Variants in DNMT3A observed in about 807,000 individuals in gnomAD.
DNMT3A encodes DNA methyltransferase 3 alpha.
A neutral mutation model predicts 117.6 loss-of-function variants in DNMT3A; 267 were observed. That is an observed-to-expected ratio of 2.27 (90% CI 2.05 to 2.51). DNMT3A has a LOEUF of 2.51. Ranked by LOEUF, DNMT3A falls within the 30% of genes most tolerant of loss-of-function variation. The pLI, the probability that DNMT3A is intolerant of heterozygous loss-of-function variation, is 0.00. For synonymous variants in DNMT3A, 432 were observed against 474.8 expected (o/e 0.91, Z 1.17); for missense variants, 1,029 against 1,260.2 (o/e 0.82, Z 2.78).
intron 3 of DNMT3A, among the ~76,000 whole-genome samples, chr2:25,285,720 G>A (rs1338876326): frequency 6.6e-6 from 1 of 152,184 alleles, no homozygotes; most frequent in Non-Finnish European, 1.5e-5. Flanking sequence ...TGTGTGTCAG[G>A]ACCCTCCCCA....
intron 16 of DNMT3A, 123 bp downstream of exon 16, chr2:25,243,775 T>G: frequency 1.8e-6 from 2 of 1,081,772 alleles, no homozygotes; most frequent in Non-Finnish European, 2.7e-6. Flanking sequence ...AGCTTCCCCT[T>G]TGGGATAATA....
rs1573420377 is a variant in DNMT3A, at chr2:25,282,762, G to C, written c.178-51C>G. The C allele has an allele frequency of 4.7e-6, 7 of 1,491,820 alleles. No homozygotes were observed. Among genetic ancestry groups the C allele is most frequent in the Non-Finnish European group, 6.2e-6 (7 of 1,121,026 alleles). 92.4% of individuals were successfully genotyped at this position (1,491,820 alleles called of 1,614,324 possible). A position where few individuals can be genotyped will look rare whatever the true frequency, so the allele number is the denominator to read the frequency against. ...GAGGAGGGTTAGATCAGTGGGCTTAGCCTGTTTTGGATCATTGACCGCTCT... is the reference window on the plus strand; with the variant it reads ...GAGGAGGGTTAGATCAGTGGGCTTACCCTGTTTTGGATCATTGACCGCTCT... On this transcript the variant is annotated intron_variant, in intron 3 of 22. Transcript: ENST00000321117. The surrounding 1 kb of genome is among the most constrained non-coding windows in gnomAD (Gnocchi z 5.2).
chr2:25,326,889 C>G (rs1176162807), intron 1 of DNMT3A, among the ~76,000 whole-genome samples: 1 of 152,238 alleles, frequency 6.6e-6, no homozygotes, highest in Admixed American at 6.5e-5. Context: ...CCCAGCACTC[C>G]CCTGGGAAAA....
intron 16 of DNMT3A, among the ~76,000 whole-genome samples, chr2:25,242,863 G>T (rs1674244942): frequency 6.6e-6 from 1 of 152,114 alleles, no homozygotes; most frequent in South Asian, 2.1e-4. Flanking sequence ...CCTAAGGAGG[G>T]AATGGTTCAA....
At chr2:25,328,708 A>AC (rs1401861611) in intron 1 of DNMT3A, 3 of 512,248 alleles carry the variant, frequency 5.9e-6, no homozygotes, top group South Asian at 3.0e-5. Context: ...GCCTAGAGCG[A>AC]CCCCCCACAA....
At chr2:25,264,916 C>T (rs193103182) in intron 6 of DNMT3A, among the ~76,000 whole-genome samples, 9 of 152,274 alleles carry the variant, frequency 5.9e-5, no homozygotes, top group Non-Finnish European at 4.4e-5. Context: ...GTCTCACCCC[C>T]CAACCTGCCG....
Position 25,292,613 on chromosome 2 carries a change from C to G in DNMT3A, c.177+7526G>C, listed in dbSNP as rs144040485. On this transcript the variant is annotated intron_variant, in intron 3 of 22. Coordinates refer to ENST00000321117, the MANE Select transcript of DNMT3A (RefSeq NM_022552.5). ...CGCCGCACCCGACATGATTTCATAG[C>G]CTTAATCACATCCTCTGCCTTTGTC... Among the ~76,000 whole-genome samples the G allele has an allele frequency of 6.2e-3, 947 of 152,300 alleles. 6 individuals carry two copies. Among genetic ancestry groups the G allele is most frequent in the African/African-American group, 0.021 (875 of 41,556 alleles).
intron 2 of DNMT3A, among the ~76,000 whole-genome samples, chr2:25,309,517 T>G (rs932996525): frequency 6.6e-6 from 1 of 152,080 alleles, no homozygotes; most frequent in Non-Finnish European, 1.5e-5. Context: ...GCAGCAAAAG[T>G]CCAGGGGAGG....
Position 25,298,794 on chromosome 2 carries a change from T to C in DNMT3A, c.177+1345A>G, listed in dbSNP as rs2033244841. The stretch of plus-strand genomic sequence containing the variant: ...CATTACATATCCACGTTTGCTTTAA[T>C]ATTAAAAGGTTTAAAATTACTTACC... On this transcript the variant is annotated intron_variant, in intron 3 of 22. Coordinates refer to ENST00000321117, the MANE Select transcript of DNMT3A (RefSeq NM_022552.5). This position sits in a 1 kb window ranked among gnomAD's most constrained non-coding sequence, Gnocchi z 4.3. 6.6e-6 allele frequency among the ~76,000 whole-genome samples: 1 copy of C among 152,210 alleles called. No homozygotes were observed. Among genetic ancestry groups the C allele is most frequent in the Non-Finnish European group, 1.5e-5 (1 of 68,034 alleles).
At chr2:25,280,904 AG>A (rs1204277515) in intron 4 of DNMT3A, among the ~76,000 whole-genome samples, 2 of 152,196 alleles carry the variant, frequency 1.3e-5, no homozygotes, top group African/African-American at 4.8e-5. Flanking sequence ...GCTTCAGGGC[AG>A]GAAGGAATGC....
intron 3 of DNMT3A, among the ~76,000 whole-genome samples, chr2:25,292,515 T>C (rs1275069493): frequency 6.6e-6 from 1 of 152,228 alleles, no homozygotes; most frequent in Non-Finnish European, 1.5e-5. Flanking sequence ...CTATCTTTTC[T>C]GTGCTTCATT....
chr2:25,248,168 C>T lies in DNMT3A; in HGVS notation c.724G>A (p.Ala242Thr), dbSNP rs1176634485. 4 of 1,613,894 alleles carry T rather than the reference C, an allele frequency of 2.5e-6. No individual in the cohort carries two copies. In the East Asian group the frequency reaches 6.7e-5, roughly 27 times the overall value. Reference sequence around the variant, plus strand: ...GGCTGCTGCACAGCAGGAGGGCTGGCCTCCTCCACCTTCTGAGACTCCCCG... The same window carrying T: ...GGCTGCTGCACAGCAGGAGGGCTGGTCTCCTCCACCTTCTGAGACTCCCCG... Reference protein sequence around the residue: ...GPGESQKVEEASPPAVQQPTD... With the variant: ...GPGESQKVEETSPPAVQQPTD... The change falls in exon 7 of 23, where the codon GCC becomes ACC. Residue 242 changes from alanine (A) to threonine (T), a missense_variant. Physicochemically the swap from Ala to Thr is moderately conservative, Grantham distance 58 (BLOSUM62 0). Coordinates refer to ENST00000321117, the MANE Select transcript of DNMT3A (RefSeq NM_022552.5).
intron 1 of DNMT3A, chr2:25,314,541 C>G (rs1248773673): frequency 1.0e-6 from 1 of 985,346 alleles, no homozygotes; most frequent in East Asian, 1.1e-4. Context: ...CCCAGAGGCC[C>G]CTAGCCCAGC....
chr2:25,282,185 C>G lies in DNMT3A; in HGVS notation c.448+256G>C, dbSNP rs1322872538. The G allele has an allele frequency of 1.5e-5, 18 of 1,235,366 alleles. No individual in the cohort carries two copies. The highest frequency in any genetic ancestry group is 1.9e-5 in the Non-Finnish European group (18 of 972,480). 76.5% of individuals were successfully genotyped at this position (1,235,366 alleles called of 1,614,324 possible). ...TTTTTTTCATGAGAAGCCAAAACTC[C>G]AGATTTTTATGTGAAATTTTTTGAT... On this transcript the variant is annotated intron_variant, in intron 4 of 22. Coordinates refer to ENST00000321117, the MANE Select transcript of DNMT3A (RefSeq NM_022552.5). The surrounding 1 kb of genome is among the most constrained non-coding windows in gnomAD (Gnocchi z 5.2).
At chr2:25,338,502 G>A (rs964864000) in intron 1 of DNMT3A, among the ~76,000 whole-genome samples, 18 of 152,146 alleles carry the variant, frequency 1.2e-4, no homozygotes, top group African/African-American at 3.9e-4. Flanking sequence ...AGTGGCCGCT[G>A]GGCAGCGGCG....
intron 4 of DNMT3A, among the ~76,000 whole-genome samples, chr2:25,280,300 T>G (rs966023297): frequency 2.3e-5 from 1 of 42,950 alleles, no homozygotes; most frequent in Non-Finnish European, 5.0e-5. Context: ...ACTCCCCGCC[T>G]CCCCACCCCC....
chr2:25,261,997 C>A (rs763076214), intron 6 of DNMT3A, among the ~76,000 whole-genome samples: 2 of 151,962 alleles, frequency 1.3e-5, no homozygotes, highest in Non-Finnish European at 2.9e-5. Context: ...CCATCCTGGC[C>A]AACATGGTGA....
chr2:25,279,168 T>C (rs2031692671), intron 4 of DNMT3A, among the ~76,000 whole-genome samples: 1 of 152,212 alleles, frequency 6.6e-6, no homozygotes, highest in Admixed American at 6.5e-5. Flanking sequence ...AGCACAGGCC[T>C]GTCGGGTGTT....
At chr2:25,245,399 C>T in intron 12 of DNMT3A, 67 bp from the exon 13 acceptor site, 1 of 1,433,788 alleles carries the variant, frequency 7.0e-7, no homozygotes, top group Non-Finnish European at 9.7e-7. Flanking sequence ...GGGCCGGAGC[C>T]CAGCACCAGA....
Sources: allele counts gnomAD v4.1 joint callset (sites outside exome capture counted in the v4.1 genomes callset), GRCh38; gene constraint gnomAD v4.1.1; non-coding constraint Gnocchi (gnomAD v3.1); transcripts MANE v1.5; gene names NCBI Gene and HGNC (gene_info 2026-07-23, HGNC 2026-07-21).